The following ITGA11 variants were observed in gnomAD, a reference collection of about 807,000 sequenced individuals.
ITGA11 encodes the protein integrin alpha-11.
A neutral mutation model predicts 141.9 loss-of-function variants in ITGA11; 97 were observed. The ratio of observed to expected loss-of-function variants is 0.68; its 90% confidence interval spans 0.58 to 0.81. The LOEUF (loss-of-function observed/expected upper bound fraction) is 0.81, where lower values mean the gene tolerates loss of function less well. ITGA11 is among the 30% of genes least tolerant of loss of function. ITGA11 has a pLI of 0.00. For missense variants in ITGA11, 1,387 were observed against 1,559.2 expected, an observed-to-expected ratio of 0.89 and a Z score of 1.86; for synonymous variants, 658 against 624.6, an observed-to-expected ratio of 1.05 and a Z score of -0.80.
chr15:68,402,849 A>G (rs1431878294), intron 2 of ITGA11, 69 bp downstream of exon 2: 6 of 1,073,156 alleles, frequency 5.6e-6, no homozygotes, highest in African/African-American at 1.5e-5. Flanking sequence ...CACAGGGCAC[A>G]GGGGCAGGAT....
At chr15:68,338,744 C>T (rs893962103) in intron 11 of ITGA11, among the ~76,000 whole-genome samples, 1 of 152,184 alleles carries the variant, frequency 6.6e-6, no homozygotes, top group Non-Finnish European at 1.5e-5. Flanking sequence ...CTGGGTGGCC[C>T]CAAGTCCATG....
chr15:68,374,027 G>C (rs1895664887), intron 2 of ITGA11, among the ~76,000 whole-genome samples: 1 of 152,172 alleles, frequency 6.6e-6, no homozygotes, highest in Non-Finnish European at 1.5e-5. Flanking sequence ...AATGTTTAGA[G>C]TGTACAAGGC....
intron 15 of ITGA11, among the ~76,000 whole-genome samples, chr15:68,329,604 C>T (rs928598291): frequency 6.6e-6 from 1 of 152,196 alleles, no homozygotes; most frequent in Admixed American, 6.5e-5. Context: ...TATCTTGCTT[C>T]CTGTAGAGAA....
At chr15:68,405,582 G>C (rs1896630937) in intron 1 of ITGA11, among the ~76,000 whole-genome samples, 1 of 152,208 alleles carries the variant, frequency 6.6e-6, no homozygotes. Flanking sequence ...GAACTTATCA[G>C]CCTGGCTAGC....
At chr15:68,401,941 A>T (rs762198791) in intron 2 of ITGA11, among the ~76,000 whole-genome samples, 60 of 151,800 alleles carry the variant, frequency 4.0e-4, no homozygotes, top group Non-Finnish European at 7.8e-4. Context: ...AGAAGTCAGG[A>T]GAGGGTGTCA....
chr15:68,332,401 G>A lies in ITGA11; in HGVS notation c.1503C>T (p.Gly501=), dbSNP rs550754461. Reference sequence around the variant, plus strand: ...GGCCCTCGTTGAAGTACATGGGTGCGCCCACCAGCAGGACATCAGTCACGC... The same window carrying A: ...GGCCCTCGTTGAAGTACATGGGTGCACCCACCAGCAGGACATCAGTCACGC... The part of the protein sequence containing the change: ...GDGVTDVLLV[G]APMYFNEGRE... The change falls in exon 13 of 30, where the codon GGC becomes GGT. Residue 501 remains glycine (G), a synonymous_variant. Coordinates refer to ENST00000315757, the MANE Select transcript of ITGA11 (RefSeq NM_001004439.2). The A allele has an allele frequency of 3.7e-5, 59 of 1,610,302 alleles. No individual in the cohort carries two copies. Among genetic ancestry groups the A allele is most frequent in the East Asian group, 2.9e-4 (13 of 44,786 alleles).
intron 2 of ITGA11, among the ~76,000 whole-genome samples, chr15:68,397,801 T>A (rs1397553344): frequency 1.0e-5 from 1 of 99,196 alleles, no homozygotes; most frequent in Non-Finnish European, 1.9e-5. Context: ...TATAAAATTA[T>A]TAATAATAAT....
At position 68,339,613 on chromosome 15, in the gene ITGA11, T is replaced by C. The variant is rs750002358; in HGVS notation, c.1163A>G (p.Tyr388Cys). ...CTTTAGCACAGCTCCATTCCAGTCA[T>C]AGGCACCGACGGCTCCCAGCAGAAC... ...DGVLLGAVGAYDWNGAVLKET... is the reference protein window; with the variant it reads ...DGVLLGAVGACDWNGAVLKET... The change falls in exon 11 of 30, where the codon TAT becomes TGT. Residue 388 changes from tyrosine (Y) to cysteine (C), a missense_variant. Physicochemically the swap from Tyr to Cys is radical, Grantham distance 194 (BLOSUM62 -2). Transcript: ENST00000315757. 1.2e-6 allele frequency: 2 copies of C among 1,613,916 alleles called. No homozygotes were observed. The highest frequency in any genetic ancestry group is 1.7e-6 in the Non-Finnish European group (2 of 1,179,878).
chr15:68,352,179 C>T (rs1894935324), intron 7 of ITGA11, among the ~76,000 whole-genome samples: 1 of 151,232 alleles, frequency 6.6e-6, no homozygotes, highest in East Asian at 2.0e-4. Context: ...GGGGTGGTGG[C>T]CTGGATATTA....
chr15:68,412,830 C>T (rs1896806826), intron 1 of ITGA11, among the ~76,000 whole-genome samples: 1 of 151,936 alleles, frequency 6.6e-6, no homozygotes, highest in Admixed American at 6.6e-5. Flanking sequence ...CATGTGCTAC[C>T]ATGCCTGGCT....
At chr15:68,349,448 G>A (rs892916480) in intron 9 of ITGA11, among the ~76,000 whole-genome samples, 3 of 152,160 alleles carry the variant, frequency 2.0e-5, no homozygotes, top group Non-Finnish European at 2.9e-5. Flanking sequence ...ACACATCATT[G>A]GATCGAATGT....
intron 2 of ITGA11, among the ~76,000 whole-genome samples, chr15:68,375,841 G>GTT (rs35860391): frequency 5.3e-5 from 8 of 152,168 alleles, no homozygotes; most frequent in African/African-American, 1.9e-4. Flanking sequence ...CTGTGAGGGT[G>GTT]TTTTTTGCAT....
intron 20 of ITGA11, among the ~76,000 whole-genome samples, chr15:68,319,739 C>T (rs58296003): frequency 0.13 from 20,023 of 152,068 alleles, 1,403 homozygotes; most frequent in Non-Finnish European, 0.16. Context: ...GCCCAGGAGT[C>T]GGGCTGAAGG....
chr15:68,303,217 A>T lies in ITGA11; in HGVS notation c.3496-87T>A. 8.5e-7 allele frequency: 1 copy of T among 1,182,300 alleles called. No homozygotes were observed. The highest frequency in any genetic ancestry group is 1.2e-6 in the Non-Finnish European group (1 of 826,838). The allele number at this position is 1,182,300 out of a possible 1,614,324, so 73.2% of individuals were successfully genotyped here. On this transcript the variant is annotated intron_variant, in intron 29 of 29. Coordinates refer to ENST00000315757, the MANE Select transcript of ITGA11 (RefSeq NM_001004439.2). The surrounding 1 kb of genome is among the most constrained non-coding windows in gnomAD (Gnocchi z 5.3). Reference sequence around the variant, plus strand: ...TTTCCCTCCACTACCTTTCCTTGGGATTCCTCCCTCAGGGCTTCCTTGAGT... The same window carrying T: ...TTTCCCTCCACTACCTTTCCTTGGGTTTCCTCCCTCAGGGCTTCCTTGAGT...
chr15:68,361,305 T>C (rs1391871893), intron 5 of ITGA11, among the ~76,000 whole-genome samples: 2 of 152,178 alleles, frequency 1.3e-5, no homozygotes, highest in Admixed American at 6.5e-5. Flanking sequence ...TAACCTCCTA[T>C]ATACCCAGGG....
intron 15 of ITGA11, among the ~76,000 whole-genome samples, chr15:68,330,444 TG>T (rs1212884150): frequency 1.3e-5 from 2 of 151,862 alleles, no homozygotes; most frequent in Non-Finnish European, 2.9e-5. Context: ...ATATTTATGA[TG>T]AAAAATATCT....
intron 20 of ITGA11, among the ~76,000 whole-genome samples, chr15:68,318,691 TG>T (rs1357529790): frequency 6.6e-6 from 1 of 151,628 alleles, no homozygotes; most frequent in Non-Finnish European, 1.5e-5. Flanking sequence ...CTTCCCCTCC[TG>T]GCTATAGGAA....
At chr15:68,412,777 G>A (rs1407217249) in intron 1 of ITGA11, among the ~76,000 whole-genome samples, 1 of 142,802 alleles carries the variant, frequency 7.0e-6, no homozygotes, top group Admixed American at 7.5e-5. Context: ...CCAGGTTCAA[G>A]CAATTCTCCT....
chr15:68,361,695 G>A lies in ITGA11; in HGVS notation c.367C>T (p.Pro123Ser), dbSNP rs1895248925. ...PKDNSFLACS[P>S]LWSHECGSSY... ...CTCCCACACTCATGAGACCAGAGGG[G>A]GCTGCAGGCCTGGGGAGGGCAGTGC... Residue 123 changes from proline to serine, a missense_variant, in exon 5 of 30, where the codon CCC becomes TCC. By Grantham distance (74) the Pro-to-Ser change is moderately conservative. Transcript: ENST00000315757. 6.2e-7 allele frequency: 1 copy of A among 1,604,252 alleles called. No individual in the cohort carries two copies. The highest frequency in any genetic ancestry group is 8.5e-7 in the Non-Finnish European group (1 of 1,175,218).
Sources: gnomAD v4.1 joint callset for allele counts (sites outside exome capture counted in the v4.1 genomes callset) on GRCh38, gnomAD v4.1.1 for gene constraint, Gnocchi (gnomAD v3.1) non-coding constraint, MANE v1.5 for transcripts, NCBI Gene and HGNC (gene_info 2026-07-23, HGNC 2026-07-21) for gene names.